The following LRMDA variants were observed in gnomAD, a reference collection of about 807,000 sequenced individuals.
LRMDA encodes leucine-rich melanocyte differentiation-associated protein.
Under a neutral mutation model 29.8 loss-of-function variants are expected in LRMDA, and 18 were observed. That is an observed-to-expected ratio of 0.60 (90% CI 0.42 to 0.90). The LOEUF (loss-of-function observed/expected upper bound fraction) is 0.90. LRMDA is among the 40% of genes least tolerant of loss of function. The probability of loss-of-function intolerance (pLI) is 0.00; values close to 1 mark genes in which losing one functional copy is unlikely to be tolerated. For missense variants in LRMDA, 273 were observed against 273.9 expected (o/e 1.00, Z 0.02); for synonymous variants, 125 against 109.4 (o/e 1.14, Z -0.89).
At chr10:75,687,071 C>G (rs1842091609) in intron 2 of LRMDA, among the ~76,000 whole-genome samples, 2 of 152,188 alleles carry the variant, frequency 1.3e-5, no homozygotes, top group South Asian at 4.1e-4. Flanking sequence ...TCCCTCTCCT[C>G]AGGCCTCCTC....
chr10:76,206,413 G>A (rs747871580), intron 5 of LRMDA, among the ~76,000 whole-genome samples: 2 of 152,106 alleles, frequency 1.3e-5, no homozygotes, highest in Non-Finnish European at 2.9e-5. Flanking sequence ...GTTTACTTAT[G>A]CCTCTAATAA....
chr10:76,027,676 T>G (rs898281012), intron 2 of LRMDA, among the ~76,000 whole-genome samples: 11 of 152,188 alleles, frequency 7.2e-5, no homozygotes, highest in Admixed American at 7.2e-4. Context: ...ACCATTAACA[T>G]GGAAGAAAAT....
At chr10:75,760,530 C>A (rs912368579) in intron 2 of LRMDA, among the ~76,000 whole-genome samples, 1 of 152,136 alleles carries the variant, frequency 6.6e-6, no homozygotes, top group Non-Finnish European at 1.5e-5. Context: ...AATTAATGAA[C>A]TAAAAGAGGT....
intron 2 of LRMDA, among the ~76,000 whole-genome samples, chr10:75,951,352 C>A (rs1337445260): frequency 6.6e-6 from 1 of 152,160 alleles, no homozygotes; most frequent in Admixed American, 6.5e-5. Flanking sequence ...TGAGCCACTG[C>A]AGTCAGAGCC....
Position 76,129,054 on chromosome 10 carries a change from A to T in LRMDA, c.516+70271A>T, listed in dbSNP as rs972898828. On this transcript the variant is annotated intron_variant, in intron 5 of 6. Coordinates refer to ENST00000611255, the MANE Select transcript of LRMDA (RefSeq NM_001305581.2). ...ATATTGGTGCTTCTCAGCATCTCCC[A>T]CTCCTCATGGTTCTCTCTTTGACAC... is the stretch of plus-strand genomic sequence containing the variant. Among the ~76,000 whole-genome samples, 3 of 152,012 alleles carry T rather than the reference A, an allele frequency of 2.0e-5. No individual in the cohort carries two copies. The East Asian group carries it at 5.8e-4, about 29-fold the overall frequency.
intron 2 of LRMDA, among the ~76,000 whole-genome samples, chr10:75,465,382 C>G (rs1325827974): frequency 6.6e-6 from 1 of 152,162 alleles, no homozygotes; most frequent in Non-Finnish European, 1.5e-5. Flanking sequence ...TTGTGTTTAT[C>G]CATACACAGG....
chr10:75,977,585 G>T (rs1847096372), intron 2 of LRMDA, among the ~76,000 whole-genome samples: 2 of 152,298 alleles, frequency 1.3e-5, no homozygotes, highest in South Asian at 4.1e-4. Flanking sequence ...TATCAGGTTT[G>T]CACTGGTCCT....
intron 5 of LRMDA, among the ~76,000 whole-genome samples, chr10:76,256,199 C>T (rs1852590649): frequency 6.6e-6 from 1 of 152,178 alleles, no homozygotes; most frequent in Non-Finnish European, 1.5e-5. Context: ...AATAGAGTAT[C>T]ACAGTGAAGA....
chr10:75,581,817 G>A (rs1221258044), intron 2 of LRMDA, among the ~76,000 whole-genome samples: 1 of 152,126 alleles, frequency 6.6e-6, no homozygotes, highest in Non-Finnish European at 1.5e-5. Flanking sequence ...ATAGCATTAG[G>A]AGAAATACCT....
rs1232006256 is a variant in LRMDA, at chr10:76,559,369, C to G, written c.*2081C>G. 6.6e-6 allele frequency: 1 copy of G among 152,162 alleles called. No homozygotes were observed. Among genetic ancestry groups the G allele is most frequent in the Non-Finnish European group, 1.5e-5 (1 of 68,034 alleles). 9.4% of individuals were successfully genotyped at this position (152,162 alleles called of 1,614,324 possible). A position where few individuals can be genotyped will look rare whatever the true frequency, so the allele number is the denominator to read the frequency against. The stretch of plus-strand genomic sequence containing the variant: ...GTGAGTTATTGACCACATTGTTTCC[C>G]TCTCTTTGGGTTGTTTATTTTCTTC... On this transcript the variant is annotated 3_prime_UTR_variant, in exon 7 of 7. Coordinates refer to ENST00000611255, the MANE Select transcript of LRMDA (RefSeq NM_001305581.2).
chr10:75,539,468 G>A (rs1333707938), intron 2 of LRMDA, among the ~76,000 whole-genome samples: 2 of 152,192 alleles, frequency 1.3e-5, no homozygotes, highest in African/African-American at 2.4e-5. Context: ...ATGAGAGAAT[G>A]ACTGAAGTCA....
intron 6 of LRMDA, among the ~76,000 whole-genome samples, chr10:76,343,655 T>C (rs374818595): frequency 2.7e-4 from 41 of 152,180 alleles, no homozygotes; most frequent in African/African-American, 9.6e-4. Flanking sequence ...ACATCAAACT[T>C]AGAGGCGTTC....
intron 2 of LRMDA, among the ~76,000 whole-genome samples, chr10:75,578,239 A>AAAAAAAAAAAAAAAAAAAAAAAAAG (rs1276229635): frequency 6.9e-6 from 1 of 144,010 alleles, no homozygotes; most frequent in Non-Finnish European, 1.5e-5. Context: ...AAAAAAAAAA[A>AAAAAAAAAAAAAAAAAAAAAAAAAG]GCAGCAGTTG....
At chr10:75,475,307 C>G (rs1344682143) in intron 2 of LRMDA, among the ~76,000 whole-genome samples, 1 of 152,154 alleles carries the variant, frequency 6.6e-6, no homozygotes, top group African/African-American at 2.4e-5. Flanking sequence ...TGGAGATTAG[C>G]ATGGGTGTTG....
At chr10:76,539,294 A>G (rs781762559) in intron 6 of LRMDA, among the ~76,000 whole-genome samples, 4 of 152,194 alleles carry the variant, frequency 2.6e-5, no homozygotes, top group Admixed American at 1.3e-4. Context: ...GAAGGTCTGT[A>G]TCATGATGTC....
chr10:75,549,522 CA>C (rs1840117439), intron 2 of LRMDA, among the ~76,000 whole-genome samples: 1 of 152,136 alleles, frequency 6.6e-6, no homozygotes. Flanking sequence ...CAGGCACAGT[CA>C]CAGCATACTA....
intron 2 of LRMDA, among the ~76,000 whole-genome samples, chr10:75,512,424 G>C (rs935520688): frequency 4.0e-5 from 6 of 151,248 alleles, no homozygotes; most frequent in African/African-American, 7.3e-5. Context: ...TGACCATTTT[G>C]CTCCAGGAAA....
At chr10:75,767,621 C>T (rs1041943881) in intron 2 of LRMDA, among the ~76,000 whole-genome samples, 9 of 152,038 alleles carry the variant, frequency 5.9e-5, no homozygotes, top group African/African-American at 1.2e-4. Flanking sequence ...GAAAACTTAA[C>T]GTGATTTCTA....
chr10:76,350,751 T>A (rs1343564590), intron 6 of LRMDA, among the ~76,000 whole-genome samples: 1 of 152,170 alleles, frequency 6.6e-6, no homozygotes. Context: ...AGGAACACTG[T>A]GTAGTGGTTT....
Sources: allele counts gnomAD v4.1 joint callset (sites outside exome capture counted in the v4.1 genomes callset), GRCh38; gene constraint gnomAD v4.1.1; transcripts MANE v1.5; gene names NCBI Gene and HGNC (gene_info 2026-07-23, HGNC 2026-07-21).